Variants in DCC observed in about 807,000 individuals in gnomAD.
DCC encodes DCC netrin 1 receptor, also known as netrin receptor DCC.
DCC carries 58 observed loss-of-function variants against 172.5 expected under a neutral mutation model. The ratio of observed to expected loss-of-function variants is 0.34; its 90% CI spans 0.27 to 0.42. The LOEUF (loss-of-function observed/expected upper bound fraction) is 0.42, where lower values mean the gene tolerates loss of function less well. Ranked by LOEUF, DCC falls within the 10% of genes least tolerant of loss-of-function variation. The pLI, the probability that DCC is intolerant of heterozygous loss-of-function variation, is 1.00. For synonymous variants in DCC, 709 were observed against 644.5 expected (o/e 1.10, Z -1.52); for missense variants, 1,740 against 1,791.0 (o/e 0.97, Z 0.51).
intron 24 of DCC, among the ~76,000 whole-genome samples, chr18:53,461,338 A>G (rs532804889): frequency 1.3e-5 from 2 of 150,684 alleles, no homozygotes; most frequent in Admixed American, 1.3e-4. Flanking sequence ...TTGGTGTTTT[A>G]GACCTGAAGT....
chr18:53,047,844 T>C (rs2144026994), intron 5 of DCC, among the ~76,000 whole-genome samples: 1 of 151,894 alleles, frequency 6.6e-6, no homozygotes, highest in South Asian at 2.1e-4. Context: ...ATGGGACTAA[T>C]ACATAATTGA....
intron 1 of DCC, among the ~76,000 whole-genome samples, chr18:52,428,248 G>A (rs1321485712): frequency 6.6e-6 from 1 of 151,972 alleles, no homozygotes; most frequent in East Asian, 1.9e-4. Flanking sequence ...ATGACAGGTT[G>A]GTGAGCAGAA....
chr18:52,630,003 A>C (rs2034646268), intron 1 of DCC, among the ~76,000 whole-genome samples: 1 of 148,178 alleles, frequency 6.7e-6, no homozygotes, highest in East Asian at 2.0e-4. Context: ...GCAGGCACCT[A>C]TAATCCCAGC....
chr18:52,880,849 T>C (rs1335669827), intron 2 of DCC, among the ~76,000 whole-genome samples: 2 of 152,170 alleles, frequency 1.3e-5, no homozygotes, highest in Admixed American at 1.3e-4. Context: ...CTTTGTTATA[T>C]TGATTTCCTT....
At position 53,514,474 on chromosome 18, in the gene DCC, C is replaced by CA. The variant is rs34181011; in HGVS notation, c.4112-12135dup. Among the ~76,000 whole-genome samples the CA allele has an allele frequency of 1.6e-3, 244 of 151,496 alleles. 1 individual carries two copies. The highest frequency in any genetic ancestry group is 5.4e-3 in the African/African-American group (223 of 41,336). ...AGCAGAACTGAAGGAAACAGAGACA[C>CA]AAAAAAAACCCTTCAAAAAATTAAT... On this transcript the variant is annotated intron_variant, in intron 27 of 28. Coordinates refer to ENST00000442544, the MANE Select transcript of DCC (RefSeq NM_005215.4).
chr18:52,526,221 GA>G (rs1196010583), intron 1 of DCC, among the ~76,000 whole-genome samples: 1 of 152,182 alleles, frequency 6.6e-6, no homozygotes, highest in African/African-American at 2.4e-5. Context: ...CCAGTGGAGA[GA>G]AAGAAGGGAG....
chr18:52,835,347 AT>A (rs1272893208), intron 2 of DCC, among the ~76,000 whole-genome samples: 4 of 152,308 alleles, frequency 2.6e-5, no homozygotes, highest in East Asian at 1.9e-4. Context: ...TTTACTTTCT[AT>A]TTTTTTCCCT....
intron 2 of DCC, among the ~76,000 whole-genome samples, chr18:52,882,029 T>C (rs2039493550): frequency 6.6e-6 from 1 of 152,122 alleles, no homozygotes; most frequent in Non-Finnish European, 1.5e-5. Context: ...TTGGTTAACT[T>C]CAAAGTATTT....
chr18:53,235,510 T>C (rs745635116), intron 12 of DCC, among the ~76,000 whole-genome samples: 17 of 152,126 alleles, frequency 1.1e-4, no homozygotes, highest in Non-Finnish European at 2.5e-4. Flanking sequence ...TCTGGAAAGA[T>C]TGACAGAGAA....
intron 1 of DCC, among the ~76,000 whole-genome samples, chr18:52,352,040 T>C (rs1450087048): frequency 6.6e-6 from 1 of 152,140 alleles, no homozygotes. Flanking sequence ...TTGGGTTTGA[T>C]TGAGATCCTT....
intron 18 of DCC, among the ~76,000 whole-genome samples, chr18:53,400,784 A>G (rs1169317449): frequency 1.3e-5 from 2 of 152,254 alleles, no homozygotes; most frequent in Middle Eastern, 3.4e-3. Context: ...TCTTCATTGT[A>G]TTATATTGAT....
Position 52,494,763 on chromosome 18 carries a change from G to A in DCC, c.91+153885G>A, listed in dbSNP as rs539595564. Among the ~76,000 whole-genome samples the A allele has an allele frequency of 8.2e-4, 125 of 151,972 alleles. No homozygotes were observed. In the South Asian group the frequency reaches 0.014, roughly 16 times the overall value. On this transcript the variant is annotated intron_variant, in intron 1 of 28. Transcript: ENST00000442544. The stretch of plus-strand genomic sequence containing the variant: ...CTTGTATGTATTTGATAAACTCTTC[G>A]TCTTCTAATTAAAATACCTGGCTCA...
At chr18:53,041,664 T>A in intron 5 of DCC, among the ~76,000 whole-genome samples, 1 of 152,118 alleles carries the variant, frequency 6.6e-6, no homozygotes, top group Non-Finnish European at 1.5e-5. Flanking sequence ...TATTTTTCCA[T>A]TTGTTTGTAT....
chr18:52,631,413 C>T (rs1598970633), intron 1 of DCC, among the ~76,000 whole-genome samples: 1 of 152,340 alleles, frequency 6.6e-6, no homozygotes, highest in East Asian at 1.9e-4. Flanking sequence ...TAGGAAAACG[C>T]ATCACCTTGC....
intron 8 of DCC, among the ~76,000 whole-genome samples, chr18:53,176,599 C>T (rs1297932926): frequency 2.3e-4 from 35 of 152,284 alleles, no homozygotes; most frequent in Admixed American, 2.2e-3. Flanking sequence ...CACTGGTCAT[C>T]AGGGAAATGC....
chr18:52,733,946 T>C lies in DCC; in HGVS notation c.92-18108T>C, dbSNP rs554872308. ...TATACATTTCAGAAATAGAAATGTA[T>C]ATTCTATATTTCAATATAATTAATT... On this transcript the variant is annotated intron_variant, in intron 1 of 28. Coordinates refer to ENST00000442544, the MANE Select transcript of DCC (RefSeq NM_005215.4). Among the ~76,000 whole-genome samples the C allele has an allele frequency of 4.6e-5, 7 of 152,306 alleles. No individual in the cohort carries two copies. In the South Asian group the frequency reaches 1.4e-3, roughly 32 times the overall value.
At chr18:52,416,321 G>A (rs1360044618) in intron 1 of DCC, among the ~76,000 whole-genome samples, 1 of 151,604 alleles carries the variant, frequency 6.6e-6, no homozygotes, top group African/African-American at 2.4e-5. Flanking sequence ...AATAGGTGTG[G>A]TGTGGTGCTG....
intron 1 of DCC, among the ~76,000 whole-genome samples, chr18:52,679,524 G>A (rs1033304866): frequency 6.6e-6 from 1 of 152,122 alleles, no homozygotes; most frequent in Non-Finnish European, 1.5e-5. Context: ...TGGTTGCTAG[G>A]TAACAGGACA....
chr18:53,127,647 G>T (rs1020662718), intron 7 of DCC, among the ~76,000 whole-genome samples: 2 of 152,048 alleles, frequency 1.3e-5, no homozygotes, highest in African/African-American at 4.8e-5. Flanking sequence ...TAAAAGCTTA[G>T]CCACTAGAAT....
Sources: gnomAD v4.1 joint callset for allele counts (sites outside exome capture counted in the v4.1 genomes callset) on GRCh38, gnomAD v4.1.1 for gene constraint, MANE v1.5 for transcripts, NCBI Gene and HGNC (gene_info 2026-07-23, HGNC 2026-07-21) for gene names.